Variants in GSG1L observed in about 807,000 individuals in gnomAD.
The protein encoded by GSG1L is GSG1 like.
In GSG1L, 24 loss-of-function variants were observed where a neutral mutation model predicts 42.1. The observed-to-expected ratio is 0.57, with a 90% CI of 0.41 to 0.80. The LOEUF (loss-of-function observed/expected upper bound fraction) is 0.80. Among genes scored for constraint, GSG1L ranks in the 30% least tolerant of loss-of-function variants. GSG1L has a pLI of 0.00. For synonymous variants in GSG1L, 215 were observed against 203.5 expected (o/e 1.06, Z -0.48); for missense variants, 445 against 472.2 (o/e 0.94, Z 0.53).
In GSG1L at chr16:27,974,614, T is replaced by A. The variant is rs75807199; in HGVS notation, c.350-11411A>T. Among the ~76,000 whole-genome samples the A allele has an allele frequency of 2.9e-3, 435 of 152,242 alleles. 20 individuals carry two copies. In the East Asian group the frequency reaches 0.073, roughly 25 times the overall value. On this transcript the variant is annotated intron_variant, in intron 1 of 6. Coordinates refer to ENST00000447459, the MANE Select transcript of GSG1L (RefSeq NM_001109763.2). ...TACCCACCATAGCCTTAAAGAGAAA[T>A]GCCATGTGTGACTGCCCTCACCATC...
rs760361295 is a variant in GSG1L, at chr16:27,947,597, GAAAA to G, written c.397+15555_397+15558del. 3.4e-3 allele frequency among the ~76,000 whole-genome samples: 370 copies of G among 108,464 alleles called. 6 individuals are homozygous for G. Among genetic ancestry groups the G allele is most frequent in the African/African-American group, 0.014 (351 of 25,054 alleles). 71.2% of individuals were successfully genotyped at this position (108,464 alleles called of 152,430 possible). On this transcript the variant is annotated intron_variant, in intron 2 of 6. Coordinates refer to ENST00000447459, the MANE Select transcript of GSG1L (RefSeq NM_001109763.2). ...AGAAAGAAAGAAAGAAAGAAAGAAA[GAAAA>G]AGAAAGAAAGAAAAAGAAAAGTTCT... is the stretch of plus-strand genomic sequence containing the variant.
chr16:27,958,455 C>T (rs1567534822), intron 2 of GSG1L, among the ~76,000 whole-genome samples: 2 of 150,226 alleles, frequency 1.3e-5, no homozygotes, highest in Admixed American at 6.7e-5. Flanking sequence ...AGTCATCATG[C>T]GATAGAATAT....
At chr16:27,854,668 C>A (rs1396469671) in intron 3 of GSG1L, among the ~76,000 whole-genome samples, 1 of 152,138 alleles carries the variant, frequency 6.6e-6, no homozygotes, top group Admixed American at 6.5e-5. Context: ...CCTGTATTTC[C>A]TGATGGCCAC....
chr16:27,829,755 G>T (rs1277177977), intron 4 of GSG1L, among the ~76,000 whole-genome samples: 1 of 152,088 alleles, frequency 6.6e-6, no homozygotes, highest in East Asian at 1.9e-4. Context: ...TACCTCATAG[G>T]GTTGTTACAA....
intron 1 of GSG1L, among the ~76,000 whole-genome samples, chr16:27,999,070 A>C (rs1596687311): frequency 6.6e-6 from 1 of 152,238 alleles, no homozygotes; most frequent in African/African-American, 2.4e-5. Flanking sequence ...GCAATTTAAG[A>C]GTGAAAACGG....
intron 3 of GSG1L, among the ~76,000 whole-genome samples, chr16:27,874,793 G>C (rs1321676317): frequency 1.3e-5 from 2 of 152,190 alleles, no homozygotes; most frequent in African/African-American, 2.4e-5. Context: ...ACCTTAAGTA[G>C]AGTGACTTCT....
At chr16:27,906,921 C>A (rs2084326933) in intron 2 of GSG1L, among the ~76,000 whole-genome samples, 2 of 152,160 alleles carry the variant, frequency 1.3e-5, no homozygotes, top group African/African-American at 4.8e-5. Flanking sequence ...CCCTCCTGTG[C>A]CCTGGGCCAG....
In GSG1L at chr16:27,828,923, T is replaced by C. The variant is rs1193852531; in HGVS notation, c.696A>G (p.Ala232=). 2 of 1,614,186 alleles carry C rather than the reference T, an allele frequency of 1.2e-6. No individual in the cohort carries two copies. Among genetic ancestry groups the C allele is most frequent in the Non-Finnish European group, 1.7e-6 (2 of 1,180,030 alleles). ...LAWGSFTCCM[A]ASVTTLNSYT... ...AGGAGTTGAGCGTGGTGACAGAGGC[T>C]GCCATGCAGCAGGTAAAGGAGCCCC... Residue 232 remains alanine, a synonymous_variant, in exon 5 of 7, where the codon GCA becomes GCG. Coordinates refer to ENST00000447459, the MANE Select transcript of GSG1L (RefSeq NM_001109763.2).
At chr16:27,898,538 CCT>C (rs67049189) in intron 2 of GSG1L, among the ~76,000 whole-genome samples, 9,227 of 152,054 alleles carry the variant, frequency 0.061, 335 homozygotes, top group Non-Finnish European at 0.084. Context: ...TGTTCCCTCC[CCT>C]GTCTTCCTCC....
chr16:27,821,895 G>C, intron 5 of GSG1L, among the ~76,000 whole-genome samples: 1 of 143,510 alleles, frequency 7.0e-6, no homozygotes, highest in South Asian at 2.3e-4. Flanking sequence ...CTGAGCGAGA[G>C]TGTCTCAAAA....
chr16:27,885,159 A>AT (rs780918935), intron 2 of GSG1L, among the ~76,000 whole-genome samples: 8 of 151,438 alleles, frequency 5.3e-5, no homozygotes, highest in Non-Finnish European at 8.8e-5. Context: ...TTTTTGTGGG[A>AT]TTTTTTTTGA....
rs145359794 is a variant in GSG1L, at chr16:27,930,999, G to A, written c.397+32157C>T. On this transcript the variant is annotated intron_variant, in intron 2 of 6. Coordinates refer to ENST00000447459, the MANE Select transcript of GSG1L (RefSeq NM_001109763.2). ...ACTCCTGGGCTCAAGTGATTCTTCC[G>A]CCTCGGCCTCCCAAACTGCTGGGAT... Among the ~76,000 whole-genome samples the A allele has an allele frequency of 3.1e-4, 47 of 152,184 alleles. 1 individual carries two copies. Among genetic ancestry groups the A allele is most frequent in the Middle Eastern group, 3.4e-3 (1 of 294 alleles).
chr16:27,904,572 A>G (rs1184557217), intron 2 of GSG1L, among the ~76,000 whole-genome samples: 1 of 152,012 alleles, frequency 6.6e-6, no homozygotes, highest in East Asian at 1.9e-4. Context: ...TAATGTTCCA[A>G]TGGTTTCCCA....
In GSG1L at chr16:27,884,094, C is replaced by G. The variant is rs534303161; in HGVS notation, c.550+392G>C. On this transcript the variant is annotated intron_variant, in intron 3 of 6. Transcript: ENST00000447459. This position sits in a 1 kb window ranked among gnomAD's most constrained non-coding sequence, Gnocchi z 4.4. The stretch of plus-strand genomic sequence containing the variant: ...CCCCAAAGTGGCTTCTCTTTTACAT[C>G]CCAGGGAAAGGCGGCACAGTCAGCC... Among the ~76,000 whole-genome samples, 1 of 152,312 alleles carries G rather than the reference C, an allele frequency of 6.6e-6. No homozygotes were observed. Among genetic ancestry groups the G allele is most frequent in the East Asian group, 1.9e-4 (1 of 5,176 alleles).
intron 4 of GSG1L, among the ~76,000 whole-genome samples, chr16:27,842,399 C>T (rs564508835): frequency 6.6e-6 from 1 of 152,336 alleles, no homozygotes; most frequent in South Asian, 2.1e-4. Context: ...CCCCTCGCAG[C>T]TGGAAGACCT....
chr16:27,856,654 C>A (rs1010996700), intron 3 of GSG1L, among the ~76,000 whole-genome samples: 9 of 152,186 alleles, frequency 5.9e-5, no homozygotes, highest in Non-Finnish European at 5.9e-5. Context: ...TTTGACAGTT[C>A]TTTTGTATTT....
At chr16:27,911,314 A>G (rs1034523873) in intron 2 of GSG1L, among the ~76,000 whole-genome samples, 1 of 106,698 alleles carries the variant, frequency 9.4e-6, no homozygotes, top group African/African-American at 3.7e-5. Flanking sequence ...CTTTTGAGAC[A>G]GGGTCTCACT....
At chr16:28,036,475 G>A (rs1033803485) in intron 1 of GSG1L, among the ~76,000 whole-genome samples, 6 of 149,002 alleles carry the variant, frequency 4.0e-5, no homozygotes, top group Admixed American at 2.0e-4. Flanking sequence ...CCTGGTCTGG[G>A]GGACAACTCA....
intron 1 of GSG1L, among the ~76,000 whole-genome samples, chr16:28,050,900 T>C (rs1238159868): frequency 6.6e-6 from 1 of 152,120 alleles, no homozygotes; most frequent in Non-Finnish European, 1.5e-5. Context: ...GTCCGCTTTG[T>C]CCCCCACTGA....
Sources: gnomAD v4.1 joint callset for allele counts (sites outside exome capture counted in the v4.1 genomes callset) on GRCh38, gnomAD v4.1.1 for gene constraint, Gnocchi (gnomAD v3.1) non-coding constraint, MANE v1.5 for transcripts, NCBI Gene and HGNC (gene_info 2026-07-23, HGNC 2026-07-21) for gene names.